Variants in BRCA1 observed in about 807,000 individuals in gnomAD.
The protein encoded by BRCA1 is breast cancer type 1 susceptibility protein.
Under a neutral mutation model 173.7 loss-of-function variants are expected in BRCA1, and 140 were observed. That is an observed-to-expected ratio of 0.81 (90% confidence interval 0.70 to 0.93). The LOEUF (loss-of-function observed/expected upper bound fraction) is 0.93. BRCA1 is among the 40% of genes least tolerant of loss of function. BRCA1 has a pLI of 0.00. For missense variants in BRCA1, 1,983 were observed against 2,172.5 expected (o/e 0.91, Z 1.73); for synonymous variants, 662 against 756.0 (o/e 0.88, Z 2.04).
chr17:43,168,228 C>T (rs887555188), intron 1 of BRCA1: 20 of 425,608 alleles, frequency 4.7e-5, no homozygotes, highest in African/African-American at 1.3e-4. Flanking sequence ...ACTTCTTCAA[C>T]GCAAACAGCA....
chr17:43,060,789 G>C (rs1597815878), intron 18 of BRCA1, among the ~76,000 whole-genome samples: 2 of 151,954 alleles, frequency 1.3e-5, no homozygotes, highest in South Asian at 4.2e-4. Flanking sequence ...TTATAGGCAC[G>C]AGCCACCACA....
rs2054789276 is a variant in BRCA1 at position 43,106,512 on chromosome 17, G to A, written c.156C>T (p.Leu52=). Residue 52 remains leucine (L), a synonymous_variant, in exon 4 of 23, where the codon CTC becomes CTT. Coordinates refer to ENST00000357654, the MANE Select transcript of BRCA1 (RefSeq NM_007294.4). ...ACTGTGAAGGCCCTTTCTTCTGGTT[G>A]AGAAGTTTCAGCATGCAAAATCTAT... ...IFCKFCMLKL[L]NQKKGPSQCP... The A allele has an allele frequency of 6.2e-7, 1 of 1,601,426 alleles. No individual in the cohort carries two copies. The highest frequency in any genetic ancestry group is 8.6e-7 in the Non-Finnish European group (1 of 1,169,578).
chr17:43,089,741 T>G (rs1363129566), intron 11 of BRCA1, among the ~76,000 whole-genome samples: 1 of 151,514 alleles, frequency 6.6e-6, no homozygotes, highest in Non-Finnish European at 1.5e-5. Context: ...CAGGCGTGGT[T>G]GCACACACCT....
chr17:43,068,495 G>T (rs1309004788), intron 15 of BRCA1, among the ~76,000 whole-genome samples: 1 of 151,018 alleles, frequency 6.6e-6, no homozygotes, highest in Non-Finnish European at 1.5e-5. Flanking sequence ...AGGACTGCTT[G>T]AGCTCAAGAG....
exon 1 of BRCA1, chr17:43,170,167 C>CT (rs1048212569): frequency 5.4e-5 from 11 of 204,976 alleles, no homozygotes; most frequent in African/African-American, 2.6e-4. Context: ...CCTTAGCTTC[C>CT]TCGGAAGGAC....
At chr17:43,167,149 C>T (rs1238123172) in intron 1 of BRCA1, 3 of 152,256 alleles carry the variant, frequency 2.0e-5, no homozygotes, top group Non-Finnish European at 4.4e-5. Context: ...GGTTGGAGTC[C>T]CCTGCAGGGA....
chr17:43,168,834 CG>C (rs2056288858), intron 1 of BRCA1, among the ~76,000 whole-genome samples: 2 of 152,062 alleles, frequency 1.3e-5, no homozygotes, highest in African/African-American at 2.4e-5. Flanking sequence ...AGTGACTGAC[CG>C]GGTAAGTGGT....
At chr17:43,073,848 G>A (rs936587339) in intron 14 of BRCA1, among the ~76,000 whole-genome samples, 1 of 151,888 alleles carries the variant, frequency 6.6e-6, no homozygotes, top group Non-Finnish European at 1.5e-5. Flanking sequence ...TCCGCCTCCC[G>A]GGTTCAAGTG....
intron 11 of BRCA1, among the ~76,000 whole-genome samples, 191 bp downstream of exon 11, chr17:43,090,749 CGTGT>C (rs945278322): frequency 6.6e-6 from 1 of 151,852 alleles, no homozygotes; most frequent in African/African-American, 2.4e-5. Context: ...TGCGCGTGTG[CGTGT>C]GTGTGAAATA....
intron 1 of BRCA1, among the ~76,000 whole-genome samples, chr17:43,169,684 G>A (rs1443237107): frequency 6.7e-6 from 1 of 149,656 alleles, no homozygotes; most frequent in South Asian, 2.1e-4. Flanking sequence ...GCCTAGCTTC[G>A]GAAATTCACT....
At chr17:43,064,996 A>G (rs983491916) in intron 16 of BRCA1, among the ~76,000 whole-genome samples, 1 of 151,826 alleles carries the variant, frequency 6.6e-6, no homozygotes, top group African/African-American at 2.4e-5. Context: ...ATGCCCGGCT[A>G]ATTTTTTGTA....
At chr17:43,121,853 G>C (rs1252875489) in intron 2 of BRCA1, among the ~76,000 whole-genome samples, 1 of 152,044 alleles carries the variant, frequency 6.6e-6, no homozygotes, top group African/African-American at 2.4e-5. Flanking sequence ...TAATTTGCCA[G>C]AATGAGAAAG....
Position 43,070,940 on chromosome 17 carries a change from G to A in BRCA1, c.4974C>T (p.Thr1658=), listed in dbSNP as rs1555580615. The change falls in exon 15 of 23, where the codon ACC becomes ACT. Residue 1658 remains threonine (T), a synonymous_variant. Coordinates refer to ENST00000357654, the MANE Select transcript of BRCA1 (RefSeq NM_007294.4). ...TGGATACACTCACAAATTCTTCTGGGGTCAGGCCAGACACCACCATGGACA... is the reference window on the plus strand; with the variant it reads ...TGGATACACTCACAAATTCTTCTGGAGTCAGGCCAGACACCACCATGGACA... The part of the protein sequence containing the change: ...KRMSMVVSGL[T]PEEFMLVYKF... 6.2e-7 allele frequency: 1 copy of A among 1,614,032 alleles called. No homozygotes were observed. The highest frequency in any genetic ancestry group is 8.5e-7 in the Non-Finnish European group (1 of 1,180,012).
intron 1 of BRCA1, chr17:43,153,796 T>G (rs2056178623): frequency 6.6e-6 from 1 of 152,262 alleles, no homozygotes; most frequent in Non-Finnish European, 1.5e-5. Flanking sequence ...GATGGTACTG[T>G]GTACTCTTAT....
chr17:43,080,593 C>T (rs1357465214), intron 12 of BRCA1, among the ~76,000 whole-genome samples: 1 of 151,896 alleles, frequency 6.6e-6, no homozygotes, highest in Non-Finnish European at 1.5e-5. Context: ...CTGCTTGAGT[C>T]CAGGAGTTTG....
chr17:43,116,677 C>A (rs770894676), intron 2 of BRCA1, among the ~76,000 whole-genome samples: 3 of 152,190 alleles, frequency 2.0e-5, no homozygotes, highest in Non-Finnish European at 2.9e-5. Context: ...CGCCACCACG[C>A]CCGGCTGATT....
intron 1 of BRCA1, chr17:43,169,744 G>C (rs2056308579): frequency 6.2e-6 from 1 of 160,934 alleles, no homozygotes; most frequent in Non-Finnish European, 1.3e-5. Context: ...TCCCTTTCCC[G>C]GGGCTCTTCT....
intron 2 of BRCA1, among the ~76,000 whole-genome samples, chr17:43,118,502 G>C (rs189649477): frequency 6.6e-6 from 1 of 151,610 alleles, no homozygotes; most frequent in East Asian, 2.0e-4. Context: ...TCAGCCTCCC[G>C]AGTAGCTGGG....
chr17:43,096,376 CAAAAAA>C (rs71160005), intron 8 of BRCA1, among the ~76,000 whole-genome samples: 1 of 74,210 alleles, frequency 1.3e-5, no homozygotes, highest in Non-Finnish European at 2.6e-5. Context: ...GACTCTGTCT[CAAAAAA>C]AAAAAAAAAA....
Sources: allele counts gnomAD v4.1 joint callset (sites outside exome capture counted in the v4.1 genomes callset), GRCh38; gene constraint gnomAD v4.1.1; transcripts MANE v1.5; gene names NCBI Gene and HGNC (gene_info 2026-07-23, HGNC 2026-07-21).